The following TMEM108 variants were observed in gnomAD, a reference collection of about 807,000 sequenced individuals.
TMEM108 encodes the protein transmembrane protein 108, also known as cancer/testis antigen 124.
Under a neutral mutation model 35.1 loss-of-function variants are expected in TMEM108, and 12 were observed. The observed-to-expected ratio is 0.34, with a 90% CI of 0.22 to 0.55. The LOEUF is 0.55. Among genes scored for constraint, TMEM108 ranks in the 20% least tolerant of loss-of-function variants. TMEM108 has a pLI of 0.89. For synonymous variants in TMEM108, 287 were observed against 308.6 expected, an observed-to-expected ratio of 0.93 and a Z score of 0.73; for missense variants, 680 against 753.3, an observed-to-expected ratio of 0.90 and a Z score of 1.14.
chr3:133,139,051 A>G (rs972825906), intron 2 of TMEM108, among the ~76,000 whole-genome samples: 5 of 152,096 alleles, frequency 3.3e-5, no homozygotes, highest in Non-Finnish European at 7.3e-5. Flanking sequence ...TTTGCTGAGA[A>G]TGATGGTTTC....
chr3:133,189,710 G>T (rs758443761), intron 2 of TMEM108, among the ~76,000 whole-genome samples: 9 of 152,130 alleles, frequency 5.9e-5, no homozygotes, highest in Non-Finnish European at 1.2e-4. Flanking sequence ...CAAAATTCAG[G>T]ATCTAAGAAA....
intron 2 of TMEM108, among the ~76,000 whole-genome samples, chr3:133,214,399 A>C (rs1945876537): frequency 6.6e-6 from 1 of 152,140 alleles, no homozygotes; most frequent in African/African-American, 2.4e-5. Context: ...CCCCCACTGC[A>C]AGGAACTAGA....
At chr3:133,321,771 T>G (rs1191529637) in intron 3 of TMEM108, among the ~76,000 whole-genome samples, 1 of 152,180 alleles carries the variant, frequency 6.6e-6, no homozygotes, top group African/African-American at 2.4e-5. Context: ...ACAGACCATA[T>G]GATAGGCCAC....
intron 3 of TMEM108, among the ~76,000 whole-genome samples, chr3:133,284,864 T>C (rs1024344267): frequency 6.6e-6 from 1 of 152,222 alleles, no homozygotes; most frequent in Non-Finnish European, 1.5e-5. Context: ...GATTAATTCT[T>C]CAGTTTTGTC....
intron 3 of TMEM108, among the ~76,000 whole-genome samples, chr3:133,328,278 A>T (rs765551009): frequency 6.6e-6 from 1 of 152,186 alleles, no homozygotes; most frequent in Non-Finnish European, 1.5e-5. Context: ...TTTGTGCCTG[A>T]GTGTAAGACC....
chr3:133,111,949 C>G (rs1423222856), intron 2 of TMEM108, among the ~76,000 whole-genome samples: 1 of 152,114 alleles, frequency 6.6e-6, no homozygotes, highest in Non-Finnish European at 1.5e-5. Context: ...GGTGGCAGGT[C>G]TGTATTGACA....
chr3:133,049,543 C>T (rs9839659), intron 2 of TMEM108, among the ~76,000 whole-genome samples: 26,317 of 152,162 alleles, frequency 0.17, 2,867 homozygotes, highest in Non-Finnish European at 0.23. Flanking sequence ...GAGTTTTGGG[C>T]TTCTCCATCC....
At chr3:133,329,371 T>C (rs139152130) in intron 3 of TMEM108, among the ~76,000 whole-genome samples, 1 of 152,320 alleles carries the variant, frequency 6.6e-6, no homozygotes, top group African/African-American at 2.4e-5. Flanking sequence ...TTTTTCCCTA[T>C]GCAGGTGACA....
chr3:133,159,471 T>C (rs1269398793), intron 2 of TMEM108, among the ~76,000 whole-genome samples: 1 of 152,204 alleles, frequency 6.6e-6, no homozygotes, highest in Non-Finnish European at 1.5e-5. Flanking sequence ...GATGACCTGA[T>C]CTTTGAGGGC....
intron 2 of TMEM108, among the ~76,000 whole-genome samples, chr3:133,097,458 G>T (rs570353932): frequency 6.6e-6 from 1 of 152,102 alleles, no homozygotes; most frequent in Non-Finnish European, 1.5e-5. Flanking sequence ...AACCCAACCT[G>T]GGCACGTTTC....
intron 3 of TMEM108, among the ~76,000 whole-genome samples, chr3:133,250,149 A>C (rs1452702775): frequency 6.6e-6 from 1 of 152,146 alleles, no homozygotes; most frequent in Non-Finnish European, 1.5e-5. Flanking sequence ...AGATAGGACT[A>C]TGCTAGGAAA....
At chr3:133,356,552 A>G (rs1485549697) in intron 3 of TMEM108, among the ~76,000 whole-genome samples, 1 of 152,230 alleles carries the variant, frequency 6.6e-6, no homozygotes, top group East Asian at 1.9e-4. Flanking sequence ...TGGAGACATC[A>G]CATTACCAAT....
In TMEM108 at chr3:133,178,850, A is replaced by G. The variant is rs1945282499; in HGVS notation, c.-46-50416A>G. 2.6e-5 allele frequency among the ~76,000 whole-genome samples: 4 copies of G among 152,322 alleles called. No homozygotes were observed. The South Asian group carries it at 8.3e-4, about 32-fold the overall frequency. On this transcript the variant is annotated intron_variant, in intron 2 of 5. Coordinates refer to ENST00000321871, the MANE Select transcript of TMEM108 (RefSeq NM_023943.4). ...AAAGAGCTTCTGCACAGTAAAAGAAACTACCATCAGAGTGAACAGGCAACC... is the reference window on the plus strand; with the variant it reads ...AAAGAGCTTCTGCACAGTAAAAGAAGCTACCATCAGAGTGAACAGGCAACC...
rs113142006 is a variant in TMEM108, at chr3:133,267,829, A to G, written c.40+38478A>G. Among the ~76,000 whole-genome samples, 379 of 152,348 alleles carry G rather than the reference A, an allele frequency of 2.5e-3. 2 individuals carry two copies. Among genetic ancestry groups the G allele is most frequent in the African/African-American group, 7.9e-3 (329 of 41,572 alleles). ...AGACCTACTCACATGTCCTTGTGAC[A>G]TGACAGCTGTCTTCTCCCAGAGTGA... On this transcript the variant is annotated intron_variant, in intron 3 of 5. Coordinates refer to ENST00000321871, the MANE Select transcript of TMEM108 (RefSeq NM_023943.4).
chr3:133,241,609 CTTTT>C (rs71136458), intron 3 of TMEM108, among the ~76,000 whole-genome samples: 1,287 of 76,258 alleles, frequency 0.017, 14 homozygotes, highest in African/African-American at 0.061. Context: ...TTTCCTGTGG[CTTTT>C]TTTTTTTTTT....
intron 2 of TMEM108, among the ~76,000 whole-genome samples, chr3:133,182,910 C>A (rs1048418509): frequency 3.3e-5 from 5 of 152,144 alleles, no homozygotes; most frequent in Admixed American, 2.0e-4. Context: ...GGTATTAGTT[C>A]TTAACTGAAG....
intron 2 of TMEM108, among the ~76,000 whole-genome samples, chr3:133,227,872 C>A (rs368908921): frequency 1.3e-5 from 2 of 151,578 alleles, no homozygotes; most frequent in African/African-American, 4.9e-5. Context: ...TCCAGCCTGG[C>A]GACAGAGTGA....
intron 3 of TMEM108, among the ~76,000 whole-genome samples, chr3:133,348,284 G>T (rs568941217): frequency 6.6e-6 from 1 of 152,068 alleles, no homozygotes; most frequent in African/African-American, 2.4e-5. Context: ...TATAATAAAG[G>T]TAGCAGTTCA....
At chr3:133,111,730 A>G (rs1179297498) in intron 2 of TMEM108, among the ~76,000 whole-genome samples, 1 of 152,200 alleles carries the variant, frequency 6.6e-6, no homozygotes, top group Admixed American at 6.5e-5. Flanking sequence ...ACACAAACAC[A>G]TTATTTATCC....
Sources: gnomAD v4.1 joint callset for allele counts (sites outside exome capture counted in the v4.1 genomes callset) on GRCh38, gnomAD v4.1.1 for gene constraint, MANE v1.5 for transcripts, NCBI Gene and HGNC (gene_info 2026-07-23, HGNC 2026-07-21) for gene names.